WWC1: variants seen among roughly 807,000 people sequenced by gnomAD.
The protein encoded by WWC1 is protein KIBRA.
WWC1 carries 55 observed loss-of-function variants against 138.4 expected under a neutral mutation model. That is an observed-to-expected ratio of 0.40 (90% CI 0.32 to 0.50). The LOEUF (loss-of-function observed/expected upper bound fraction) is 0.50. WWC1 is among the 20% of genes least tolerant of loss of function. The pLI is 0.72. For missense variants in WWC1, 1,226 were observed against 1,420.4 expected (o/e 0.86, Z 2.20); for synonymous variants, 524 against 564.9 (o/e 0.93, Z 1.03).
Position 168,408,067 on chromosome 5 carries a change from T to C in WWC1, c.721-440T>C, listed in dbSNP as rs368534937. Among the ~76,000 whole-genome samples, 12 of 144,346 alleles carry C rather than the reference T, an allele frequency of 8.3e-5. No individual in the cohort carries two copies. The East Asian group carries it at 1.4e-3, about 17-fold the overall frequency. The allele number at this position is 144,346 out of a possible 152,430, so 94.7% of individuals were successfully genotyped here. ...TTTTTTTTAGAGATGGGAGTCCCAC[T>C]GTGTTGCCCAGGCTGATCTTGAATT... On this transcript the variant is annotated intron_variant, in intron 6 of 22. Coordinates refer to ENST00000265293, the MANE Select transcript of WWC1 (RefSeq NM_015238.3).
intron 1 of WWC1, among the ~76,000 whole-genome samples, chr5:168,337,341 G>A (rs1392622009): frequency 4.2e-4 from 1 of 2,382 alleles, no homozygotes; most frequent in Non-Finnish European, 7.9e-4. Flanking sequence ...AGCTCCATCG[G>A]TGTAACTAGG....
At position 168,422,004 on chromosome 5, in the gene WWC1, C is replaced by G. The variant is rs759250881; in HGVS notation, c.1185-4C>G. On this transcript the variant is annotated splice_region_variant and splice_polypyrimidine_tract_variant and intron_variant, in intron 9 of 22. Transcript: ENST00000265293. The stretch of plus-strand genomic sequence containing the variant: ...CATCCCTCGCATGCTTTCTCTCCTT[C>G]CAGGTTAAAGTTAAACAGTAAGAGG... 6.2e-6 allele frequency: 10 copies of G among 1,609,818 alleles called. No homozygotes were observed. The East Asian group carries it at 2.2e-4, about 36-fold the overall frequency.
At chr5:168,343,922 C>T (rs1774258211) in intron 1 of WWC1, among the ~76,000 whole-genome samples, 1 of 152,076 alleles carries the variant, frequency 6.6e-6, no homozygotes, top group Non-Finnish European at 1.5e-5. Context: ...CATACCTCCA[C>T]TCAGTCTTCC....
At chr5:168,423,076 G>A (rs577105899) in intron 10 of WWC1, among the ~76,000 whole-genome samples, 1 of 148,800 alleles carries the variant, frequency 6.7e-6, no homozygotes, top group East Asian at 2.0e-4. Flanking sequence ...AACCCAGGAG[G>A]CGGAGGTTGC....
chr5:168,390,953 G>A (rs1030379139), intron 3 of WWC1, among the ~76,000 whole-genome samples: 2 of 152,228 alleles, frequency 1.3e-5, no homozygotes, highest in Admixed American at 6.5e-5. Flanking sequence ...CTACAGACAA[G>A]GGAACTGAGG....
At chr5:168,380,092 G>A (rs1184499976) in intron 2 of WWC1, among the ~76,000 whole-genome samples, 2 of 152,144 alleles carry the variant, frequency 1.3e-5, no homozygotes, top group Non-Finnish European at 2.9e-5. Flanking sequence ...AGACAATATT[G>A]CAATACATAT....
At chr5:168,357,493 T>TGTGTGTGCGC (rs1353607261) in intron 1 of WWC1, among the ~76,000 whole-genome samples, 2 of 119,810 alleles carry the variant, frequency 1.7e-5, no homozygotes, top group African/African-American at 8.6e-5. Flanking sequence ...TGTGTGTGTG[T>TGTGTGTGCGC]GCGCGCGCGC....
intron 1 of WWC1, among the ~76,000 whole-genome samples, chr5:168,293,829 TTTCTGCCA>T (rs1769284321): frequency 6.6e-6 from 1 of 152,216 alleles, no homozygotes; most frequent in Non-Finnish European, 1.5e-5. Context: ...TATTTTGATT[TTTCTGCCA>T]TTCTGCGTAC....
At chr5:168,401,356 G>A (rs17551441) in intron 5 of WWC1, among the ~76,000 whole-genome samples, 235 of 152,264 alleles carry the variant, frequency 1.5e-3, no homozygotes, top group Non-Finnish European at 2.2e-3. Flanking sequence ...TCCCAGGGAG[G>A]CCACACCTGT....
intron 1 of WWC1, among the ~76,000 whole-genome samples, chr5:168,338,266 G>A (rs1273115890): frequency 2.1e-4 from 32 of 150,748 alleles, no homozygotes; most frequent in South Asian, 8.5e-4. Flanking sequence ...AGCCGAGATC[G>A]CGCCACTGCA....
chr5:168,386,879 A>G (rs1459441755), intron 3 of WWC1, among the ~76,000 whole-genome samples: 2 of 142,746 alleles, frequency 1.4e-5, no homozygotes, highest in African/African-American at 5.3e-5. Context: ...TGAACTCCTG[A>G]CCTCAGGTGA....
intron 3 of WWC1, among the ~76,000 whole-genome samples, chr5:168,393,255 G>A (rs969598031): frequency 3.9e-5 from 6 of 152,176 alleles, no homozygotes; most frequent in African/African-American, 1.4e-4. Context: ...AGAATTTTTA[G>A]ACTGAAAGGG....
intron 1 of WWC1, among the ~76,000 whole-genome samples, chr5:168,301,878 G>A (rs1202578901): frequency 6.6e-6 from 1 of 152,100 alleles, no homozygotes; most frequent in African/African-American, 2.4e-5. Flanking sequence ...GCCAACTCAG[G>A]TCTCTTCCTG....
Position 168,460,757 on chromosome 5 carries a change from T to C in WWC1, c.2916+15T>C. ...GGATGAAGCGGGTAAGAGAGTCACC[T>C]CAAAGCTATTTTTCTGCCTGCTCCT... On this transcript the variant is annotated intron_variant, in intron 20 of 22. Transcript: ENST00000265293. 1 of 1,613,824 alleles carries C rather than the reference T, an allele frequency of 6.2e-7. No individual in the cohort carries two copies. Among genetic ancestry groups the C allele is most frequent in the Non-Finnish European group, 8.5e-7 (1 of 1,179,766 alleles).
intron 1 of WWC1, among the ~76,000 whole-genome samples, chr5:168,321,576 C>T (rs1418669412): frequency 6.6e-6 from 1 of 151,224 alleles, no homozygotes; most frequent in African/African-American, 2.4e-5. Flanking sequence ...CTCTTGTTGC[C>T]CAGGCTGGAG....
intron 1 of WWC1, among the ~76,000 whole-genome samples, chr5:168,333,595 T>G (rs1183597254): frequency 6.6e-6 from 1 of 152,142 alleles, no homozygotes; most frequent in South Asian, 2.1e-4. Flanking sequence ...TGCTCTGAAG[T>G]GCTATCTGTC....
chr5:168,423,424 G>A, intron 10 of WWC1, 109 bp from the exon 11 acceptor site: 2 of 1,271,426 alleles, frequency 1.6e-6, no homozygotes, highest in Non-Finnish European at 2.2e-6. Context: ...CCTAGAGATT[G>A]CCAAGCAAGT....
intron 1 of WWC1, among the ~76,000 whole-genome samples, chr5:168,298,798 A>G (rs1346683317): frequency 2.0e-5 from 3 of 152,154 alleles, no homozygotes; most frequent in Non-Finnish European, 2.9e-5. Context: ...AAGGTTAAGT[A>G]ACCGGCCGGG....
chr5:168,354,364 A>AT (rs149459263), intron 1 of WWC1, among the ~76,000 whole-genome samples: 2,682 of 151,810 alleles, frequency 0.018, 81 homozygotes, highest in African/African-American at 0.061. Context: ...GTGCTTTTTC[A>AT]TTTTTTGTTT....
Sources: gnomAD v4.1 joint callset for allele counts (sites outside exome capture counted in the v4.1 genomes callset) on GRCh38, gnomAD v4.1.1 for gene constraint, MANE v1.5 for transcripts, NCBI Gene and HGNC (gene_info 2026-07-23, HGNC 2026-07-21) for gene names.